CEP85: variants seen among roughly 807,000 people sequenced by gnomAD.
CEP85 encodes the protein centrosomal protein 85.
Under a neutral mutation model 93.7 loss-of-function variants are expected in CEP85, and 58 were observed. The ratio of observed to expected loss-of-function variants is 0.62; its 90% CI spans 0.50 to 0.77. The LOEUF is 0.77. CEP85 is among the 30% of genes least tolerant of loss of function. The pLI is 0.00. For synonymous variants in CEP85, 314 were observed against 338.6 expected (o/e 0.93, Z 0.80); for missense variants, 868 against 922.0 (o/e 0.94, Z 0.76).
intron 12 of CEP85, 80 bp downstream of exon 12, chr1:26,275,151 A>C: frequency 4.9e-6 from 5 of 1,011,962 alleles, no homozygotes; most frequent in Non-Finnish European, 7.5e-6. Flanking sequence ...CTCTACCCCA[A>C]TAAGAGCCCC....
chr1:26,256,928 G>GGGGGGTGTGTGTGTGT (rs1553159974), intron 4 of CEP85, among the ~76,000 whole-genome samples: 27 of 111,404 alleles, frequency 2.4e-4, no homozygotes, highest in African/African-American at 7.8e-4. Context: ...GTTTTGTTTT[G>GGGGGGTGTGTGTGTGT]GTGTGTGTGT....
chr1:26,253,988 C>T lies in CEP85; in HGVS notation c.209-1183C>T, dbSNP rs1366562450. On this transcript the variant is annotated intron_variant, in intron 3 of 13. Coordinates refer to ENST00000451429, the MANE Select transcript of CEP85 (RefSeq NM_001319944.2). ...CCAGCCTGGGTGACAGAGTGAGACC[C>T]CATTTCAAAAAAAAAAGTTGTTTAA... Among the ~76,000 whole-genome samples, 3 of 151,594 alleles carry T rather than the reference C, an allele frequency of 2.0e-5. No individual in the cohort carries two copies. The East Asian group carries it at 5.9e-4, about 30-fold the overall frequency.
chr1:26,263,309 C>T, intron 7 of CEP85: 1 of 334,866 alleles, frequency 3.0e-6, no homozygotes, highest in South Asian at 2.9e-5. Context: ...CTCCTCTGTT[C>T]ATCAGGGCTT....
At chr1:26,266,283 A>T (rs989757696) in intron 7 of CEP85, among the ~76,000 whole-genome samples, 1 of 152,118 alleles carries the variant, frequency 6.6e-6, no homozygotes, top group Non-Finnish European at 1.5e-5. Flanking sequence ...AGCTACTGAG[A>T]GGCTGAGGTG....
At chr1:26,245,038 T>A (rs2124564611) in intron 3 of CEP85, among the ~76,000 whole-genome samples, 1 of 151,980 alleles carries the variant, frequency 6.6e-6, no homozygotes, top group East Asian at 1.9e-4. Context: ...TAAAGTCCTG[T>A]TTTTTGTTTT....
intron 7 of CEP85, chr1:26,263,089 A>G (rs2089837434): frequency 5.9e-6 from 1 of 168,932 alleles, no homozygotes; most frequent in Admixed American, 6.2e-5. Flanking sequence ...AGACTAGGAC[A>G]ATCTCTTCAT....
At chr1:26,269,782 CTTTT>C (rs748230113) in intron 9 of CEP85, among the ~76,000 whole-genome samples, 168 bp downstream of exon 9, 6 of 84,722 alleles carry the variant, frequency 7.1e-5, no homozygotes, top group East Asian at 6.2e-4. Context: ...TGGGAAGCGG[CTTTT>C]TTTTTTTTTT....
At chr1:26,238,273 T>C (rs1428087226) in intron 1 of CEP85, among the ~76,000 whole-genome samples, 1 of 141,718 alleles carries the variant, frequency 7.1e-6, no homozygotes, top group Admixed American at 7.5e-5. Flanking sequence ...CGATCTTGGC[T>C]CACTGCAGCC....
chr1:26,274,765 G>C (rs1380228086), intron 11 of CEP85, among the ~76,000 whole-genome samples, 199 bp from the exon 12 acceptor site: 3 of 152,146 alleles, frequency 2.0e-5, no homozygotes, highest in African/African-American at 7.2e-5. Context: ...CTAAGAAGCT[G>C]ACCTCTATTT....
chr1:26,249,867 T>C (rs967740172), intron 3 of CEP85, among the ~76,000 whole-genome samples: 2 of 152,166 alleles, frequency 1.3e-5, no homozygotes, highest in Admixed American at 6.5e-5. Context: ...ACATATCCCA[T>C]GCATTGTATT....
rs71004567 is a variant in CEP85, at chr1:26,241,244, A to ATTTTTTTTTTTTT, written c.55+1410_55+1422dup. Among the ~76,000 whole-genome samples, 967 of 109,010 alleles carry ATTTTTTTTTTTTT rather than the reference A, an allele frequency of 8.9e-3. 5 individuals carry two copies. Among genetic ancestry groups the ATTTTTTTTTTTTT allele is most frequent in the Middle Eastern group, 0.017 (3 of 174 alleles). The allele number at this position is 109,010 out of a possible 152,430, so 71.5% of individuals were successfully genotyped here. A position where few individuals can be genotyped will look rare whatever the true frequency, so the allele number is the denominator to read the frequency against. On this transcript the variant is annotated intron_variant, in intron 2 of 13. Transcript: ENST00000451429. Reference sequence around the variant, plus strand: ...ATCAATTCAAGATTCATTCAGCAGAATTTTTTTTTTTTTTTTGAAATGGAG... The same window carrying ATTTTTTTTTTTTT: ...ATCAATTCAAGATTCATTCAGCAGAATTTTTTTTTTTTTTTTTTTTTTTTTTTTTGAAATGGAG...
At position 26,277,956 on chromosome 1, in the gene CEP85, C is replaced by T. The variant is rs1205262045; in HGVS notation, c.*663C>T. 1.3e-5 allele frequency: 2 copies of T among 152,768 alleles called. 1 individual carries two copies. Among genetic ancestry groups the T allele is most frequent in the South Asian group, 4.1e-4 (2 of 4,832 alleles). 9.5% of individuals were successfully genotyped at this position (152,768 alleles called of 1,614,324 possible). On this transcript the variant is annotated 3_prime_UTR_variant, in exon 14 of 14. Coordinates refer to ENST00000451429, the MANE Select transcript of CEP85 (RefSeq NM_001319944.2). The stretch of plus-strand genomic sequence containing the variant: ...ACAAGAGATCCCACTCTCCAGCTGC[C>T]TTGTGTCCCTAGGGTCCTGGCCATG...
chr1:26,234,876 T>C (rs750893394), intron 1 of CEP85, among the ~76,000 whole-genome samples: 2 of 152,142 alleles, frequency 1.3e-5, no homozygotes, highest in Non-Finnish European at 2.9e-5. Context: ...CTGGGGACAT[T>C]GGTCGATGTC....
intron 3 of CEP85, 61 bp downstream of exon 3, chr1:26,244,379 G>A: frequency 6.8e-7 from 1 of 1,462,578 alleles, no homozygotes; most frequent in Non-Finnish European, 9.5e-7. Flanking sequence ...TTGCATTTTG[G>A]GTATATTGGC....
In CEP85 at chr1:26,253,453, G is replaced by T. The variant is rs572429082; in HGVS notation, c.209-1718G>T. ...CGCCCAGGCTGGAGTGCAGTAGTGC[G>T]ATCCTGGCTCATTGCAACCTCCACC... On this transcript the variant is annotated intron_variant, in intron 3 of 13. Transcript: ENST00000451429. Among the ~76,000 whole-genome samples, 2 of 149,682 alleles carry T rather than the reference G, an allele frequency of 1.3e-5. 1 individual carries two copies. Among genetic ancestry groups the T allele is most frequent in the Middle Eastern group, 6.8e-3 (2 of 292 alleles).
chr1:26,272,292 G>A (rs2089986491), intron 11 of CEP85: 2 of 540,118 alleles, frequency 3.7e-6, no homozygotes, highest in African/African-American at 1.9e-5. Flanking sequence ...TATCCTGGGG[G>A]AGTGCAGGAG....
intron 12 of CEP85, among the ~76,000 whole-genome samples, chr1:26,275,341 C>T (rs1429676927): frequency 1.3e-5 from 2 of 149,734 alleles, no homozygotes; most frequent in Non-Finnish European, 3.0e-5. Context: ...AGTGCAGTGG[C>T]GCAATCTCGG....
At chr1:26,253,527 C>T (rs1352253285) in intron 3 of CEP85, among the ~76,000 whole-genome samples, 4 of 151,506 alleles carry the variant, frequency 2.6e-5, no homozygotes, top group African/African-American at 7.3e-5. Flanking sequence ...ATAGCTGGGA[C>T]TACAGGCGCG....
rs572081367 is a variant in CEP85, at chr1:26,253,888, A to G, written c.209-1283A>G. ...GAAACCCCATCTCTCCTAAAAATAC[A>G]AAAACTGAGGTGGGAAGATCACCTG... is the stretch of plus-strand genomic sequence containing the variant. On this transcript the variant is annotated intron_variant, in intron 3 of 13. Transcript: ENST00000451429. Among the ~76,000 whole-genome samples the G allele has an allele frequency of 2.0e-5, 3 of 152,082 alleles. No individual in the cohort carries two copies. In the East Asian group the frequency reaches 5.9e-4, roughly 30 times the overall value.
Sources: allele counts gnomAD v4.1 joint callset (sites outside exome capture counted in the v4.1 genomes callset), GRCh38; gene constraint gnomAD v4.1.1; transcripts MANE v1.5; gene names NCBI Gene and HGNC (gene_info 2026-07-23, HGNC 2026-07-21).